Variants in RAB5A observed in about 807,000 individuals in gnomAD.
RAB5A encodes the protein RAB5A, member RAS oncogene family.
A neutral mutation model predicts 25.7 loss-of-function variants in RAB5A; 8 were observed. That is an observed-to-expected ratio of 0.31 (90% CI 0.18 to 0.56). RAB5A has a LOEUF of 0.56. Ranked by LOEUF, RAB5A falls within the 20% of genes least tolerant of loss-of-function variation. RAB5A has a pLI of 0.91. For missense variants in RAB5A, 192 were observed against 259.7 expected, an observed-to-expected ratio of 0.74 and a Z score of 1.79; for synonymous variants, 98 against 89.8, an observed-to-expected ratio of 1.09 and a Z score of -0.52.
At chr3:19,975,396 A>T in intron 2 of RAB5A, 1 of 453,316 alleles carries the variant, frequency 2.2e-6, no homozygotes, top group South Asian at 3.5e-5. Context: ...AGCTATTATC[A>T]GCTGTGGGTA....
chr3:19,970,508 A>G (rs530774490), intron 2 of RAB5A: 4 of 456,576 alleles, frequency 8.8e-6, no homozygotes, highest in South Asian at 1.5e-5. Flanking sequence ...CCACATCTCA[A>G]CGCAGCTTTG....
rs1228330831 is a variant in RAB5A at position 19,983,846 on chromosome 3, A to G, written c.*23A>G. The G allele has an allele frequency of 6.9e-7, 1 of 1,452,544 alleles. No homozygotes were observed. Among genetic ancestry groups the G allele is most frequent in the African/African-American group, 1.4e-5 (1 of 70,774 alleles). The allele number at this position is 1,452,544 out of a possible 1,614,324, so 90.0% of individuals were successfully genotyped here. On this transcript the variant is annotated 3_prime_UTR_variant, in exon 6 of 6. Coordinates refer to ENST00000273047, the MANE Select transcript of RAB5A (RefSeq NM_004162.5). Reference sequence around the variant, plus strand: ...TAAACCTCTAGTTTGAACTAGCTGGAATAGTCTTCTGCTTCCTAAATGTTA... The same window carrying G: ...TAAACCTCTAGTTTGAACTAGCTGGGATAGTCTTCTGCTTCCTAAATGTTA...
chr3:19,976,236 C>T (rs1696823380), intron 4 of RAB5A, 67 bp downstream of exon 4: 9 of 1,515,648 alleles, frequency 5.9e-6, no homozygotes, highest in Admixed American at 2.1e-5. Context: ...CATGTCAACA[C>T]TTGAATTAGT....
chr3:19,954,817 A>AAAAAC (rs578143384), intron 2 of RAB5A, among the ~76,000 whole-genome samples: 2 of 152,134 alleles, frequency 1.3e-5, no homozygotes, highest in African/African-American at 2.4e-5. Flanking sequence ...ACCCTGTCTC[A>AAAAAC]AAAACAAAAC....
chr3:19,952,115 A>T (rs1457066480), intron 2 of RAB5A, among the ~76,000 whole-genome samples: 4 of 152,188 alleles, frequency 2.6e-5, no homozygotes, highest in Non-Finnish European at 4.4e-5. Context: ...TTGGAGGCTG[A>T]GGCAGGATTA....
At chr3:19,955,652 G>A (rs1465163303) in intron 2 of RAB5A, among the ~76,000 whole-genome samples, 2 of 152,156 alleles carry the variant, frequency 1.3e-5, no homozygotes, top group Non-Finnish European at 2.9e-5. Context: ...CCAACACTTT[G>A]GGAGGCTGAG....
chr3:19,961,599 C>A (rs76016710), intron 2 of RAB5A, among the ~76,000 whole-genome samples: 3,977 of 152,150 alleles, frequency 0.026, 162 homozygotes, highest in African/African-American at 0.09. Flanking sequence ...CATTTTTATG[C>A]CATCATCATG....
rs370107266 is a variant in RAB5A, at chr3:19,957,094, A to G, written c.163+6033A>G. Among the ~76,000 whole-genome samples, 25 of 151,712 alleles carry G rather than the reference A, an allele frequency of 1.6e-4. No individual in the cohort carries two copies. In the South Asian group the frequency reaches 5.2e-3, roughly 32 times the overall value. On this transcript the variant is annotated intron_variant, in intron 2 of 5. Transcript: ENST00000273047. ...ATAGGCATGCACCCCACACTTGGCTAATTTTTTATTTTTTTGTAGGGACAG... is the reference window on the plus strand; with the variant it reads ...ATAGGCATGCACCCCACACTTGGCTGATTTTTTATTTTTTTGTAGGGACAG...
intron 2 of RAB5A, among the ~76,000 whole-genome samples, chr3:19,961,892 G>A (rs192687740): frequency 2.4e-4 from 37 of 152,208 alleles, no homozygotes; most frequent in African/African-American, 7.9e-4. Flanking sequence ...TGCTGTTCTA[G>A]TTATCTATTG....
At chr3:19,965,385 G>A (rs1696646404) in intron 2 of RAB5A, among the ~76,000 whole-genome samples, 1 of 150,130 alleles carries the variant, frequency 6.7e-6, no homozygotes, top group Non-Finnish European at 1.5e-5. Context: ...TTACACCACT[G>A]CCCCAACCTG....
intron 2 of RAB5A, among the ~76,000 whole-genome samples, chr3:19,960,780 C>G (rs1475426540): frequency 6.6e-6 from 1 of 152,166 alleles, no homozygotes; most frequent in Non-Finnish European, 1.5e-5. Flanking sequence ...AGCATTCATC[C>G]TCCGTTTGAG....
Position 19,984,069 on chromosome 3 carries a change from G to T in RAB5A, c.*246G>T, listed in dbSNP as rs1575080742. The T allele has an allele frequency of 2.7e-5, 12 of 441,908 alleles. No homozygotes were observed. Among genetic ancestry groups the T allele is most frequent in the South Asian group, 2.6e-4 (12 of 45,680 alleles). The allele number at this position is 441,908 out of a possible 1,614,324, so 27.4% of individuals were successfully genotyped here. ...ATGTGGACACTTGTTTCATTGGAAG[G>T]TTAGGGGGAATAATTTCTCATCACT... On this transcript the variant is annotated 3_prime_UTR_variant, in exon 6 of 6. Coordinates refer to ENST00000273047, the MANE Select transcript of RAB5A (RefSeq NM_004162.5).
At chr3:19,971,089 C>T (rs995437726) in intron 2 of RAB5A, among the ~76,000 whole-genome samples, 5 of 148,760 alleles carry the variant, frequency 3.4e-5, no homozygotes, top group Non-Finnish European at 4.4e-5. Context: ...CCCAGCTACT[C>T]GGGAGGCTGA....
In RAB5A at chr3:19,975,895, T is replaced by TA. The variant is rs1219007374; in HGVS notation, c.315+143_315+144insA. 4.3e-5 allele frequency: 58 copies of TA among 1,341,714 alleles called. No individual in the cohort carries two copies. The Admixed American group carries it at 5.8e-4, about 14-fold the overall frequency. 83.1% of individuals were successfully genotyped at this position (1,341,714 alleles called of 1,614,324 possible). On this transcript the variant is annotated intron_variant, in intron 3 of 5. Transcript: ENST00000273047. ...CTTTTGTGAATTAGAAAATCTGGTT[T>TA]TAAAAAAAAACGAAAATGTCTCATA... is the stretch of plus-strand genomic sequence containing the variant.
At chr3:19,950,479 A>G (rs894642569) in intron 1 of RAB5A, among the ~76,000 whole-genome samples, 9 of 152,214 alleles carry the variant, frequency 5.9e-5, no homozygotes, top group East Asian at 1.9e-4. Context: ...TGTGACCTCA[A>G]TTAAGCTTCT....
chr3:19,959,543 C>T lies in RAB5A; in HGVS notation c.163+8482C>T, dbSNP rs1394293283. Among the ~76,000 whole-genome samples the T allele has an allele frequency of 4.0e-5, 6 of 151,718 alleles. No individual in the cohort carries two copies. In the East Asian group the frequency reaches 1.2e-3, roughly 29 times the overall value. On this transcript the variant is annotated intron_variant, in intron 2 of 5. Transcript: ENST00000273047. ...CATTCCGAGGAAATCTGTAAATTTG[C>T]ATAACCTTTAGTGCATGGACTTTGT... is the stretch of plus-strand genomic sequence containing the variant.
At chr3:19,959,449 T>C (rs796501582) in intron 2 of RAB5A, among the ~76,000 whole-genome samples, 12 of 151,688 alleles carry the variant, frequency 7.9e-5, no homozygotes, top group African/African-American at 2.9e-4. Context: ...CTAATTTATA[T>C]ATATATATAT....
At chr3:19,961,088 A>G (rs1453057284) in intron 2 of RAB5A, among the ~76,000 whole-genome samples, 1 of 152,208 alleles carries the variant, frequency 6.6e-6, no homozygotes, top group African/African-American at 2.4e-5. Flanking sequence ...GTAATTTGTA[A>G]ATTTTAGAAA....
intron 2 of RAB5A, among the ~76,000 whole-genome samples, chr3:19,971,607 G>A (rs1559490925): frequency 6.6e-6 from 1 of 152,042 alleles, no homozygotes; most frequent in Admixed American, 6.5e-5. Flanking sequence ...GAGTAGCTGG[G>A]GTTACAGGCA....
Sources: allele counts gnomAD v4.1 joint callset (sites outside exome capture counted in the v4.1 genomes callset), GRCh38; gene constraint gnomAD v4.1.1; transcripts MANE v1.5; gene names NCBI Gene and HGNC (gene_info 2026-07-23, HGNC 2026-07-21).